Variants in SHQ1 observed in about 807,000 individuals in gnomAD.
SHQ1 encodes the protein protein SHQ1 homolog.
A neutral mutation model predicts 53.8 loss-of-function variants in SHQ1; 49 were observed. The observed-to-expected ratio is 0.91, with a 90% CI of 0.72 to 1.16. The LOEUF (loss-of-function observed/expected upper bound fraction) is 1.16, where lower values mean the gene tolerates loss of function less well. SHQ1 is among the 50% of genes most tolerant of loss of function. SHQ1 has a pLI of 0.00. For synonymous variants in SHQ1, 243 were observed against 251.0 expected (o/e 0.97, Z 0.30); for missense variants, 738 against 683.1 (o/e 1.08, Z -0.90).
rs1240457548 is a variant in SHQ1 at position 72,750,499 on chromosome 3, C to T, written c.1519G>A (p.Gly507Ser). ...ATGGCTGTGTTTCTGCGTACTCCAC[C>T]ATCAACAATAAGAAAGGCACTGCTT... ...EESSAFLIVD[G>S]GVRRNTAIQE... is the part of the protein sequence containing the mutation. The change falls in exon 11 of 11, where the codon GGT becomes AGT. Residue 507 changes from glycine to serine, a missense_variant. Coordinates refer to ENST00000325599, the MANE Select transcript of SHQ1 (RefSeq NM_018130.3). 1.9e-6 allele frequency: 3 copies of T among 1,614,196 alleles called. No homozygotes were observed. The highest frequency in any genetic ancestry group is 2.2e-5 in the South Asian group (2 of 91,080).
intron 8 of SHQ1, 84 bp from the exon 9 acceptor site, chr3:72,812,878 C>A: frequency 6.6e-7 from 1 of 1,505,534 alleles, no homozygotes; most frequent in South Asian, 1.2e-5. Flanking sequence ...AAGCTTTTCT[C>A]ATTTAAAAGC....
At chr3:72,751,497 T>TAC (rs1559657357) in intron 10 of SHQ1, among the ~76,000 whole-genome samples, 1,455 of 111,148 alleles carry the variant, frequency 0.013, 36 homozygotes, top group Non-Finnish European at 0.018. Context: ...TGTGTGTGTG[T>TAC]GTGTGTGTGT....
intron 10 of SHQ1, chr3:72,772,877 A>C: frequency 1.3e-6 from 1 of 783,118 alleles, no homozygotes; most frequent in Non-Finnish European, 2.4e-6. Flanking sequence ...GCTGTGGACA[A>C]ATCTGAATTG....
rs1205878151 is a variant in SHQ1 at position 72,765,555 on chromosome 3, ATAT to A, written c.1182-14722_1182-14720del. Among the ~76,000 whole-genome samples, 487 of 71,706 alleles carry A rather than the reference ATAT, an allele frequency of 6.8e-3. 4 individuals are homozygous for A. Among genetic ancestry groups the A allele is most frequent in the Admixed American group, 0.025 (162 of 6,584 alleles). 47.0% of individuals were successfully genotyped at this position (71,706 alleles called of 152,430 possible). On this transcript the variant is annotated intron_variant, in intron 10 of 10. Transcript: ENST00000325599. The stretch of plus-strand genomic sequence containing the variant: ...CATATATATATATATATATATATAT[ATAT>A]TTTTTTTTTTTTTTTGAGACAGTCT...
the SHQ1 span, among the ~76,000 whole-genome samples, chr3:72,742,936 G>C: frequency 6.6e-6 from 1 of 152,096 alleles, no homozygotes; most frequent in Non-Finnish European, 1.5e-5. Flanking sequence ...GCACCCAGCC[G>C]AGAGTTTTTC....
At chr3:72,837,553 A>C (rs1352488692) in intron 4 of SHQ1, among the ~76,000 whole-genome samples, 1 of 152,244 alleles carries the variant, frequency 6.6e-6, no homozygotes, top group South Asian at 2.1e-4. Context: ...AGCTGTAAAA[A>C]TACTCATATG....
chr3:72,811,649 T>C (rs948087282), intron 9 of SHQ1, among the ~76,000 whole-genome samples: 7 of 152,228 alleles, frequency 4.6e-5, no homozygotes, highest in African/African-American at 1.7e-4. Flanking sequence ...AAATAATCTA[T>C]TTCAAACATG....
intron 5 of SHQ1, among the ~76,000 whole-genome samples, chr3:72,824,787 CT>C (rs36082106): frequency 0.25 from 35,344 of 142,668 alleles, 4,745 homozygotes; most frequent in Middle Eastern, 0.39. Flanking sequence ...TTGCTGATCT[CT>C]TTTTTTTTTT....
intron 9 of SHQ1, chr3:72,795,265 A>C (rs1236989392): frequency 6.6e-6 from 1 of 152,258 alleles, no homozygotes; most frequent in Non-Finnish European, 1.5e-5. Context: ...TAGAAGGCCT[A>C]AAGCTACAAG....
At chr3:72,729,056 C>G in the SHQ1 span, among the ~76,000 whole-genome samples, 137 of 152,288 alleles carry the variant, frequency 9.0e-4, 1 homozygote, top group African/African-American at 3.3e-3. Context: ...AGGTTGGGCA[C>G]GAAAAACAAC....
At chr3:72,731,752 T>A in the SHQ1 span, among the ~76,000 whole-genome samples, 1 of 151,280 alleles carries the variant, frequency 6.6e-6, no homozygotes, top group Non-Finnish European at 1.5e-5. Flanking sequence ...GGCAGTGGGA[T>A]GGATATGGCC....
intron 2 of SHQ1, 115 bp downstream of exon 2, chr3:72,844,244 G>A (rs1708263532): frequency 1.2e-6 from 1 of 810,840 alleles, no homozygotes; most frequent in Non-Finnish European, 2.0e-6. Context: ...AGAGTGATAG[G>A]AACAGATTGT....
intron 10 of SHQ1, among the ~76,000 whole-genome samples, chr3:72,779,998 G>C (rs1007805881): frequency 6.6e-6 from 1 of 152,212 alleles, no homozygotes; most frequent in Non-Finnish European, 1.5e-5. Context: ...ACTTTTGGGA[G>C]GCCAAGGCAG....
chr3:72,841,506 T>G (rs1157443911), intron 3 of SHQ1, among the ~76,000 whole-genome samples: 1 of 152,148 alleles, frequency 6.6e-6, no homozygotes, highest in Non-Finnish European at 1.5e-5. Flanking sequence ...TACTGTATGA[T>G]CTACATATGC....
chr3:72,758,588 G>A (rs1705548261), intron 10 of SHQ1, among the ~76,000 whole-genome samples: 2 of 112,200 alleles, frequency 1.8e-5, no homozygotes, highest in South Asian at 5.0e-4. Context: ...TTTTTTTTCC[G>A]AGATGGAGTC....
downstream of SHQ1, among the ~76,000 whole-genome samples, chr3:72,744,747 CAG>C (rs1315096818): frequency 1.8e-4 from 28 of 152,194 alleles, no homozygotes; most frequent in African/African-American, 6.7e-4. Flanking sequence ...AGAAAAGCAG[CAG>C]ATCACAAAAA....
At chr3:72,806,703 T>A (rs953999485) in intron 9 of SHQ1, among the ~76,000 whole-genome samples, 1 of 152,156 alleles carries the variant, frequency 6.6e-6, no homozygotes, top group African/African-American at 2.4e-5. Context: ...AACTACACTA[T>A]CCCATGAACC....
At chr3:72,804,887 A>AAT (rs1369005443) in intron 9 of SHQ1, among the ~76,000 whole-genome samples, 3 of 152,152 alleles carry the variant, frequency 2.0e-5, no homozygotes, top group Non-Finnish European at 2.9e-5. Context: ...AAATTACCTA[A>AAT]ATATATACAT....
At position 72,842,777 on chromosome 3, in the gene SHQ1, T is replaced by C. The variant is rs185899614; in HGVS notation, c.209-375A>G. On this transcript the variant is annotated intron_variant, in intron 2 of 10. Coordinates refer to ENST00000325599, the MANE Select transcript of SHQ1 (RefSeq NM_018130.3). ...GGTTTTTCAGAAGCTGTCATTTCTA[T>C]CAAAAATTATTAATCTGGCTGGGTA... is the stretch of plus-strand genomic sequence containing the variant. 4.3e-3 allele frequency among the ~76,000 whole-genome samples: 661 copies of C among 152,194 alleles called. 5 individuals carry two copies. Among genetic ancestry groups the C allele is most frequent in the African/African-American group, 0.015 (628 of 41,540 alleles).
Sources: allele counts gnomAD v4.1 joint callset (sites outside exome capture counted in the v4.1 genomes callset), GRCh38; gene constraint gnomAD v4.1.1; transcripts MANE v1.5; gene names NCBI Gene and HGNC (gene_info 2026-07-23, HGNC 2026-07-21).